The following NFE2L3 variants were observed in gnomAD, a reference collection of about 807,000 sequenced individuals.
The protein encoded by NFE2L3 is NFE2 like bZIP transcription factor 3.
A neutral mutation model predicts 23.5 loss-of-function variants in NFE2L3; 18 were observed. The observed-to-expected ratio is 0.77, with a 90% CI of 0.53 to 1.13. NFE2L3 has a LOEUF of 1.13. Among genes scored for constraint, NFE2L3 ranks in the 50% most tolerant of loss-of-function variants. NFE2L3 has a pLI of 0.00. For synonymous variants in NFE2L3, 424 were observed against 354.5 expected, an observed-to-expected ratio of 1.20 and a Z score of -2.20; for missense variants, 1,152 against 877.2, an observed-to-expected ratio of 1.31 and a Z score of -3.96.
chr7:26,166,781 T>C (rs1490924366), intron 1 of NFE2L3, among the ~76,000 whole-genome samples: 1 of 152,256 alleles, frequency 6.6e-6, no homozygotes, highest in Non-Finnish European at 1.5e-5. Flanking sequence ...CTAGCTTGCC[T>C]TCAGCCTAGA....
chr7:26,178,395 T>C (rs887945272), intron 2 of NFE2L3, among the ~76,000 whole-genome samples: 1 of 152,128 alleles, frequency 6.6e-6, no homozygotes, highest in African/African-American at 2.4e-5. Flanking sequence ...GTTTTGCTAG[T>C]TATGTTTGCC....
rs1782430908 is a variant in NFE2L3 at position 26,184,570 on chromosome 7, T to C, written c.872T>C (p.Ile291Thr). 3.1e-6 allele frequency: 5 copies of C among 1,613,698 alleles called. 1 individual carries two copies. In the East Asian group the frequency reaches 1.1e-4, roughly 36 times the overall value. The change falls in exon 4 of 4, where the codon ATC becomes ACC. Residue 291 changes from isoleucine to threonine, a missense_variant. Physicochemically the swap from Ile to Thr is moderately conservative, Grantham distance 89. Transcript: ENST00000056233. ...GGAGATATTCCTCTTCCAGGCAGTA[T>C]CAGTGATGGCATGAATTCTTCAGCA... ...SLGDIPLPGS[I>T]SDGMNSSAHY...
chr7:26,181,564 TAC>T (rs996501741), intron 2 of NFE2L3, among the ~76,000 whole-genome samples: 52 of 152,204 alleles, frequency 3.4e-4, no homozygotes, highest in African/African-American at 1.3e-3. Context: ...CAAGAGAAAG[TAC>T]AGTCTGGAAA....
At chr7:26,168,405 A>G (rs11760917) in intron 1 of NFE2L3, among the ~76,000 whole-genome samples, 50,887 of 105,932 alleles carry the variant, frequency 0.48, 15,879 homozygotes, top group East Asian at 0.7. Context: ...CAAAATGGTG[A>G]GATTATAGGC....
chr7:26,152,867 G>A lies in NFE2L3; in HGVS notation c.369G>A (p.Glu123=), dbSNP rs1784019261. 6.8e-7 allele frequency: 1 copy of A among 1,464,468 alleles called. No individual in the cohort carries two copies. Among genetic ancestry groups the A allele is most frequent in the Non-Finnish European group, 9.0e-7 (1 of 1,116,484 alleles). The allele number at this position is 1,464,468 out of a possible 1,614,324, so 90.7% of individuals were successfully genotyped here. ...GCGTGGCTGCCGGGAGCGCGGACGA[G>A]GCCCACGGGCTGCTCGGCGCCGCCG... The part of the protein sequence containing the change: ...VHSVAAGSAD[E]AHGLLGAAAA... The change falls in exon 1 of 4, where the codon GAG becomes GAA. Residue 123 remains glutamate, a synonymous_variant. Transcript: ENST00000056233. The surrounding 1 kb of genome is among the most constrained non-coding windows in gnomAD (Gnocchi z 4.4).
chr7:26,152,552 C>T lies in NFE2L3; in HGVS notation c.54C>T (p.Thr18=). 2 of 1,510,208 alleles carry T rather than the reference C, an allele frequency of 1.3e-6. No individual in the cohort carries two copies. The highest frequency in any genetic ancestry group is 1.8e-6 in the Non-Finnish European group (2 of 1,136,466). The allele number at this position is 1,510,208 out of a possible 1,614,324, so 93.6% of individuals were successfully genotyped here. A position where few individuals can be genotyped will look rare whatever the true frequency, so the allele number is the denominator to read the frequency against. Reference sequence around the variant, plus strand: ...CCGGCGGCGGCCTCCTGCACCTCACCCTCCTGCTGAGCTTGGCGGGGCTCC... The same window carrying T: ...CCGGCGGCGGCCTCCTGCACCTCACTCTCCTGCTGAGCTTGGCGGGGCTCC... ...WSAGGGLLHL[T]LLLSLAGLRV... The change falls in exon 1 of 4, where the codon ACC becomes ACT. Residue 18 remains threonine, a synonymous_variant. Transcript: ENST00000056233. This position sits in a 1 kb window ranked among gnomAD's most constrained non-coding sequence, Gnocchi z 4.4.
chr7:26,171,707 A>G (rs566092530), intron 1 of NFE2L3, among the ~76,000 whole-genome samples: 1 of 152,186 alleles, frequency 6.6e-6, no homozygotes, highest in East Asian at 1.9e-4. Context: ...TCATTAGTTC[A>G]CTTGTATTTT....
intron 3 of NFE2L3, 173 bp from the exon 4 acceptor site, chr7:26,184,360 C>T (rs759551560): frequency 3.5e-6 from 2 of 577,998 alleles, no homozygotes; most frequent in African/African-American, 3.8e-5. Flanking sequence ...CTGATTTGGA[C>T]TCACATCTCG....
At chr7:26,175,223 G>A (rs1163679476) in intron 1 of NFE2L3, among the ~76,000 whole-genome samples, 2 of 151,514 alleles carry the variant, frequency 1.3e-5, no homozygotes, top group South Asian at 2.1e-4. Flanking sequence ...AGCTGGGCGT[G>A]GTGGCAGGCA....
intron 2 of NFE2L3, among the ~76,000 whole-genome samples, chr7:26,183,376 T>C (rs1583940163): frequency 6.6e-6 from 1 of 150,856 alleles, no homozygotes; most frequent in South Asian, 2.1e-4. Flanking sequence ...GGTGAAACCC[T>C]GTCTCTACTA....
Position 26,186,753 on chromosome 7 carries a change from T to G in NFE2L3, c.*970T>G, listed in dbSNP as rs1782497315. 6.6e-6 allele frequency: 1 copy of G among 151,728 alleles called. No homozygotes were observed. The allele number at this position is 151,728 out of a possible 1,614,324, so 9.4% of individuals were successfully genotyped here. On this transcript the variant is annotated 3_prime_UTR_variant, in exon 4 of 4. Coordinates refer to ENST00000056233, the MANE Select transcript of NFE2L3 (RefSeq NM_004289.7). ...AGTCAGCAACAGTGAAACCATCTGTTTAAAATGGGCAAAAGCGATTAAGGG... is the reference window on the plus strand; with the variant it reads ...AGTCAGCAACAGTGAAACCATCTGTGTAAAATGGGCAAAAGCGATTAAGGG...
Position 26,152,225 on chromosome 7 carries a change from G to A in NFE2L3, c.-274G>A, listed in dbSNP as rs1454742714. The stretch of plus-strand genomic sequence containing the variant: ...AGCTTGGCCACCGCGCCGGGCTGCG[G>A]GCGGCTGGGCGAACGGGCTCGGCGC... On this transcript the variant is annotated 5_prime_UTR_variant, in exon 1 of 4. Coordinates refer to ENST00000056233, the MANE Select transcript of NFE2L3 (RefSeq NM_004289.7). The surrounding 1 kb of genome is among the most constrained non-coding windows in gnomAD (Gnocchi z 4.4). 2.1e-5 allele frequency: 4 copies of A among 189,778 alleles called. No homozygotes were observed. The highest frequency in any genetic ancestry group is 6.1e-5 in the Admixed American group (1 of 16,484). The allele number at this position is 189,778 out of a possible 1,614,324, so 11.8% of individuals were successfully genotyped here.
chr7:26,185,158 G>A lies in NFE2L3; in HGVS notation c.1460G>A (p.Gly487Glu). The change falls in exon 4 of 4, where the codon GGA becomes GAA. Residue 487 changes from glycine (G) to glutamate (E), a missense_variant. Coordinates refer to ENST00000056233, the MANE Select transcript of NFE2L3 (RefSeq NM_004289.7). ...HLDQSDSDFH[G>E]DLTFQHVFHN... ...GATCAAAGTGATTCTGATTTCCATG[G>A]AGATCTTACATTTCAACACGTATTT... 3 of 1,613,750 alleles carry A rather than the reference G, an allele frequency of 1.9e-6. No homozygotes were observed. Among genetic ancestry groups the A allele is most frequent in the South Asian group, 2.2e-5 (2 of 91,056 alleles).
At chr7:26,178,507 C>G (rs1052665199) in intron 2 of NFE2L3, among the ~76,000 whole-genome samples, 2 of 152,134 alleles carry the variant, frequency 1.3e-5, no homozygotes, top group Non-Finnish European at 2.9e-5. Flanking sequence ...GAGGACCAAC[C>G]CTACAGCCAA....
At chr7:26,178,184 G>A in intron 2 of NFE2L3, 62 bp downstream of exon 2, 1 of 1,447,870 alleles carries the variant, frequency 6.9e-7, no homozygotes, top group Non-Finnish European at 9.4e-7. Flanking sequence ...TTGTGGCATT[G>A]ACAGTTTGTG....
At chr7:26,162,969 C>T (rs186574877) in intron 1 of NFE2L3, among the ~76,000 whole-genome samples, 1 of 152,222 alleles carries the variant, frequency 6.6e-6, no homozygotes, top group Non-Finnish European at 1.5e-5. Flanking sequence ...GCCTTGGCCT[C>T]CCAAAGTGCT....
Position 26,185,399 on chromosome 7 carries a change from T to G in NFE2L3, c.1701T>G (p.Ser567Arg). The G allele has an allele frequency of 6.2e-7, 1 of 1,614,162 alleles. No homozygotes were observed. The highest frequency in any genetic ancestry group is 8.5e-7 in the Non-Finnish European group (1 of 1,180,000). Reference protein sequence around the residue: ...MPVDSFNSMLSRYYLTDLQVS... With the variant: ...MPVDSFNSMLRRYYLTDLQVS... ...TTGATTCTTTCAATAGCATGTTAAG[T>G]AGATATTATCTGACAGACCTACAAG... The change falls in exon 4 of 4, where the codon AGT becomes AGG. Residue 567 changes from serine (S) to arginine (R), a missense_variant. Physicochemically the swap from Ser to Arg is moderately radical, Grantham distance 110 (BLOSUM62 -1). Transcript: ENST00000056233.
intron 2 of NFE2L3, among the ~76,000 whole-genome samples, chr7:26,181,180 T>G (rs1784500961): frequency 6.6e-6 from 1 of 152,146 alleles, no homozygotes; most frequent in East Asian, 1.9e-4. Flanking sequence ...TTTCACCATG[T>G]TGCTCAGGCT....
At chr7:26,173,576 A>C (rs1291786861) in intron 1 of NFE2L3, 1 of 152,232 alleles carries the variant, frequency 6.6e-6, no homozygotes, top group Non-Finnish European at 1.5e-5. Context: ...CAGATTTAAC[A>C]ACCACAAAAA....
Sources: allele counts gnomAD v4.1 joint callset (sites outside exome capture counted in the v4.1 genomes callset), GRCh38; gene constraint gnomAD v4.1.1; non-coding constraint Gnocchi (gnomAD v3.1); transcripts MANE v1.5; gene names NCBI Gene and HGNC (gene_info 2026-07-23, HGNC 2026-07-21).